The following NCOA7 variants were observed in gnomAD, a reference collection of about 807,000 sequenced individuals.
The protein encoded by NCOA7 is nuclear receptor coactivator 7, also known as 140 kDa estrogen receptor-associated protein.
In NCOA7, 45 loss-of-function variants were observed where a neutral mutation model predicts 104.3. The ratio of observed to expected loss-of-function variants is 0.43; its 90% CI spans 0.34 to 0.55. The LOEUF is 0.55. Ranked by LOEUF, NCOA7 falls within the 20% of genes least tolerant of loss-of-function variation. The pLI is 0.02. For synonymous variants in NCOA7, 398 were observed against 402.3 expected, an observed-to-expected ratio of 0.99 and a Z score of 0.13; for missense variants, 1,041 against 1,119.7, an observed-to-expected ratio of 0.93 and a Z score of 1.00.
rs577090945 is a variant in NCOA7 at position 125,890,069 on chromosome 6, T to A, written c.1927+88T>A. ...CATGTAATACCCACATTAGTACATT[T>A]ATTTGAAAACAGTATTTTCTCAATA... On this transcript the variant is annotated intron_variant, in intron 9 of 15. Transcript: ENST00000392477. 1.6e-5 allele frequency: 16 copies of A among 1,006,696 alleles called. No individual in the cohort carries two copies. The South Asian group carries it at 3.9e-4, about 25-fold the overall frequency. 62.4% of individuals were successfully genotyped at this position (1,006,696 alleles called of 1,614,324 possible). A position where few individuals can be genotyped will look rare whatever the true frequency, so the allele number is the denominator to read the frequency against.
At chr6:125,835,764 T>G (rs979878918) in intron 2 of NCOA7, among the ~76,000 whole-genome samples, 1 of 152,194 alleles carries the variant, frequency 6.6e-6, no homozygotes, top group Non-Finnish European at 1.5e-5. Context: ...GGAGCTAGGA[T>G]GAGTCCTACC....
In NCOA7 at chr6:125,872,302, G is replaced by A. The variant is rs1019471092; in HGVS notation, c.272-2587G>A. 3.3e-5 allele frequency among the ~76,000 whole-genome samples: 5 copies of A among 152,292 alleles called. No individual in the cohort carries two copies. The South Asian group carries it at 1.0e-3, about 32-fold the overall frequency. On this transcript the variant is annotated intron_variant, in intron 3 of 15. Transcript: ENST00000392477. ...GCAATATGTAAACTGTCACCAGTTG[G>A]TGGCTTTTAGTAGCGCTCCCCATTG...
intron 2 of NCOA7, 98 bp downstream of exon 2, chr6:125,815,502 TG>T (rs1777508537): frequency 1.0e-6 from 1 of 977,450 alleles, no homozygotes; most frequent in Non-Finnish European, 1.6e-6. Flanking sequence ...GTTTTGTGCT[TG>T]TTCATAAATA....
intron 2 of NCOA7, among the ~76,000 whole-genome samples, chr6:125,837,728 C>G (rs1217093117): frequency 6.6e-6 from 1 of 152,178 alleles, no homozygotes; most frequent in Non-Finnish European, 1.5e-5. Context: ...ACCCAGAGTT[C>G]CCTTAGGAGG....
Position 125,920,613 on chromosome 6 carries a change from T to G in NCOA7, c.2245-330T>G, listed in dbSNP as rs1469077727. Among the ~76,000 whole-genome samples, 4 of 152,194 alleles carry G rather than the reference T, an allele frequency of 2.6e-5. No individual in the cohort carries two copies. The East Asian group carries it at 7.7e-4, about 29-fold the overall frequency. ...GGAGATAGGGGTCCCATCATGTTGC[T>G]CAGGCTAGTCTCAAACTCCTGGGCT... On this transcript the variant is annotated intron_variant, in intron 11 of 15. Coordinates refer to ENST00000392477, the MANE Select transcript of NCOA7 (RefSeq NM_181782.5).
rs766206288 is a variant in NCOA7, at chr6:125,920,992, A to G, written c.2294A>G (p.Tyr765Cys). The change falls in exon 12 of 16, where the codon TAT (tyrosine) becomes TGT (cysteine). Residue 765 changes from tyrosine to cysteine, a missense_variant. This residue lies in a region of NCOA7 where 914 missense variants were observed against 942.7 expected (regional missense o/e 0.97). Coordinates refer to ENST00000392477, the MANE Select transcript of NCOA7 (RefSeq NM_181782.5). ...AKRRKSTCSY[Y>C]EDEDEEVLPV... ...CGCAGGAAGAGCACATGCAGCTACT[A>G]TGAAGACGAGGACGAAGAGGTGCTG... is the stretch of plus-strand genomic sequence containing the variant. 3.7e-6 allele frequency: 6 copies of G among 1,613,810 alleles called. No homozygotes were observed. The highest frequency in any genetic ancestry group is 1.3e-5 in the African/African-American group (1 of 74,938).
chr6:125,782,756 G>T (rs1774284215), intron 1 of NCOA7, among the ~76,000 whole-genome samples: 1 of 152,182 alleles, frequency 6.6e-6, no homozygotes, highest in Non-Finnish European at 1.5e-5. Flanking sequence ...CCTGTAATGG[G>T]TAAGTGTGGT....
At chr6:125,880,211 A>C (rs1341314101) in intron 5 of NCOA7, among the ~76,000 whole-genome samples, 1 of 152,148 alleles carries the variant, frequency 6.6e-6, no homozygotes, top group African/African-American at 2.4e-5. Context: ...GGATTATTTT[A>C]TTGATATTAC....
chr6:125,815,423 A>G lies in NCOA7; in HGVS notation c.50+19A>G, dbSNP rs201991081. 3.7e-6 allele frequency: 6 copies of G among 1,601,468 alleles called. No homozygotes were observed. Among genetic ancestry groups the G allele is most frequent in the Non-Finnish European group, 5.1e-6 (6 of 1,172,322 alleles). On this transcript the variant is annotated intron_variant, in intron 2 of 15. Coordinates refer to ENST00000392477, the MANE Select transcript of NCOA7 (RefSeq NM_181782.5). ...TTGCTCGGTAAGCATTCATTTTACA[A>G]AATTGTTATCAGTACTTTAAAGAAA...
At chr6:125,895,977 GTGTGTGTGTGTGTC>G (rs1784977126) in intron 10 of NCOA7, among the ~76,000 whole-genome samples, 1 of 148,910 alleles carries the variant, frequency 6.7e-6, no homozygotes, top group African/African-American at 2.5e-5. Context: ...GTGTGTGTGT[GTGTGTGTGTGTGTC>G]TGTGTGTGTA....
chr6:125,918,865 C>T (rs992764377), intron 11 of NCOA7, among the ~76,000 whole-genome samples: 11 of 151,790 alleles, frequency 7.2e-5, no homozygotes, highest in Admixed American at 5.3e-4. Flanking sequence ...CCTTTTCATC[C>T]TTCCTTTGAG....
intron 5 of NCOA7, 100 bp downstream of exon 5, chr6:125,878,470 A>G: frequency 5.5e-6 from 4 of 727,468 alleles, no homozygotes; most frequent in Non-Finnish European, 8.7e-6. Context: ...ATTATGATAA[A>G]TGATAATGTG....
In NCOA7 at chr6:125,840,666, AC is replaced by A. The variant is rs919975088; in HGVS notation, c.51-14352del. Among the ~76,000 whole-genome samples, 15 of 151,250 alleles carry A rather than the reference AC, an allele frequency of 9.9e-5. 1 individual carries two copies. Among genetic ancestry groups the A allele is most frequent in the Admixed American group, 4.0e-4 (6 of 15,180 alleles). On this transcript the variant is annotated intron_variant, in intron 2 of 15. Transcript: ENST00000392477. Reference sequence around the variant, plus strand: ...AGTAGCTGGAACTACTCAGGATGCCACCATGCCTGGCTAAATAAAAAAAAAA... The same window carrying A: ...AGTAGCTGGAACTACTCAGGATGCCACATGCCTGGCTAAATAAAAAAAAAA...
In NCOA7 at chr6:125,902,456, T is replaced by A. The variant is rs1785589682; in HGVS notation, c.2096+11646T>A. On this transcript the variant is annotated intron_variant, in intron 10 of 15. Transcript: ENST00000392477. Reference sequence around the variant, plus strand: ...AAGTGTTTGACTTAGAAATGTATGGTTTTTAAACTTTAACTCATAGCCATG... The same window carrying A: ...AAGTGTTTGACTTAGAAATGTATGGATTTTAAACTTTAACTCATAGCCATG... 4.6e-5 allele frequency among the ~76,000 whole-genome samples: 7 copies of A among 152,086 alleles called. 1 individual carries two copies. In the South Asian group the frequency reaches 1.5e-3, roughly 32 times the overall value.
At position 125,889,265 on chromosome 6, in the gene NCOA7, C is replaced by G. The variant is rs755772364; in HGVS notation, c.1211C>G (p.Thr404Arg). The G allele has an allele frequency of 6.2e-7, 1 of 1,614,012 alleles. No homozygotes were observed. Among genetic ancestry groups the G allele is most frequent in the South Asian group, 1.1e-5 (1 of 91,060 alleles). ...PSDTSSAFES[T>R]AKENFLGEDD... ...GACACTTCTTCTGCATTTGAATCTA[C>G]AGCCAAAGAAAACTTTCTAGGGGAA... is the stretch of plus-strand genomic sequence containing the variant. The change falls in exon 9 of 16, where the codon ACA becomes AGA. Residue 404 changes from threonine to arginine, a missense_variant. Around this residue, in one of 2 missense-constraint regions of NCOA7, gnomAD observed 914 missense variants for 942.7 expected, o/e 0.97. Coordinates refer to ENST00000392477, the MANE Select transcript of NCOA7 (RefSeq NM_181782.5).
At position 125,829,742 on chromosome 6, in the gene NCOA7, C is replaced by T. The variant is rs183679129; in HGVS notation, c.50+14338C>T. 2.8e-4 allele frequency among the ~76,000 whole-genome samples: 42 copies of T among 147,644 alleles called. No homozygotes were observed. The East Asian group carries it at 8.3e-3, about 29-fold the overall frequency. ...ATAGTCATATCATATGAGGAACTAACGTCCCCCTCTAAGAGTATAGAAGCA... is the reference window on the plus strand; with the variant it reads ...ATAGTCATATCATATGAGGAACTAATGTCCCCCTCTAAGAGTATAGAAGCA... On this transcript the variant is annotated intron_variant, in intron 2 of 15. Coordinates refer to ENST00000392477, the MANE Select transcript of NCOA7 (RefSeq NM_181782.5).
At chr6:125,849,871 C>A (rs997434345) in intron 2 of NCOA7, among the ~76,000 whole-genome samples, 1 of 152,132 alleles carries the variant, frequency 6.6e-6, no homozygotes, top group Admixed American at 6.5e-5. Flanking sequence ...TTCAGTCACT[C>A]ATCATTTAAG....
intron 2 of NCOA7, among the ~76,000 whole-genome samples, chr6:125,830,206 A>G (rs1779044886): frequency 2.0e-5 from 3 of 152,230 alleles, no homozygotes; most frequent in Admixed American, 2.0e-4. Flanking sequence ...GAATAAATCA[A>G]ATCCATCTTT....
intron 4 of NCOA7, among the ~76,000 whole-genome samples, chr6:125,875,969 T>C (rs1452607250): frequency 2.6e-5 from 4 of 152,338 alleles, no homozygotes; most frequent in Admixed American, 6.5e-5. Context: ...TTGTATCTTA[T>C]GTATCCTAGG....
Sources: allele counts gnomAD v4.1 joint callset (sites outside exome capture counted in the v4.1 genomes callset), GRCh38; gene constraint gnomAD v4.1.1; regional missense constraint gnomAD v4.1.1; transcripts MANE v1.5; gene names NCBI Gene and HGNC (gene_info 2026-07-23, HGNC 2026-07-21).